Variants in HSH2D observed in about 807,000 individuals in gnomAD.
HSH2D encodes the protein hematopoietic SH2 domain containing.
HSH2D carries 16 observed loss-of-function variants against 21.5 expected under a neutral mutation model. The observed-to-expected ratio is 0.74, with a 90% confidence interval of 0.50 to 1.13. HSH2D has a LOEUF of 1.13. Ranked by LOEUF, HSH2D falls within the 50% of genes most tolerant of loss-of-function variation. HSH2D has a pLI of 0.00. For synonymous variants in HSH2D, 172 were observed against 184.7 expected (o/e 0.93, Z 0.56); for missense variants, 418 against 441.4 (o/e 0.95, Z 0.47).
chr19:16,135,802 T>G (rs2090959819), intron 1 of HSH2D, among the ~76,000 whole-genome samples: 1 of 152,188 alleles, frequency 6.6e-6, no homozygotes, highest in Admixed American at 6.5e-5. Flanking sequence ...AGTTACCTGT[T>G]TTCATTGCCA....
intron 1 of HSH2D, among the ~76,000 whole-genome samples, chr19:16,136,222 G>A (rs2090963121): frequency 6.6e-6 from 1 of 152,186 alleles, no homozygotes; most frequent in Non-Finnish European, 1.5e-5. Flanking sequence ...ACGGATGCCT[G>A]ATAAATGGCC....
intron 1 of HSH2D, among the ~76,000 whole-genome samples, chr19:16,145,755 G>T (rs1223218242): frequency 6.6e-6 from 1 of 152,054 alleles, no homozygotes. Context: ...ATGGGTGGAG[G>T]GAGTGAGCTC....
chr19:16,152,417 C>CA (rs377547783), intron 2 of HSH2D, 135 bp from the exon 3 acceptor site: 29,751 of 361,480 alleles, frequency 0.082, 1 homozygote, highest in East Asian at 0.11. Context: ...GACTCTGTCT[C>CA]AAAAAAAAAA....
At chr19:16,138,163 C>T (rs12462702) in intron 1 of HSH2D, among the ~76,000 whole-genome samples, 20,895 of 152,126 alleles carry the variant, frequency 0.14, 1,766 homozygotes, top group East Asian at 0.3. Flanking sequence ...CCACCGTGTC[C>T]AGCCAGTTCT....
Position 16,153,345 on chromosome 19 carries a change from A to G in HSH2D, c.381+137A>G. ...TCCTTGGCCCCTCCGGCCCCACCCC[A>G]GTAGTCCCTCTGCCCCCCACAGCGG... On this transcript the variant is annotated intron_variant, in intron 4 of 5. Coordinates refer to ENST00000613986, the MANE Select transcript of HSH2D (RefSeq NM_001382417.1). 3.6e-6 allele frequency: 3 copies of G among 829,604 alleles called. No individual in the cohort carries two copies. The East Asian group carries it at 8.5e-5, about 23-fold the overall frequency. 51.4% of individuals were successfully genotyped at this position (829,604 alleles called of 1,614,324 possible). A position where few individuals can be genotyped will look rare whatever the true frequency, so the allele number is the denominator to read the frequency against.
In HSH2D at chr19:16,157,868, C is replaced by A; in HGVS notation, c.*74C>A. On this transcript the variant is annotated 3_prime_UTR_variant, in exon 6 of 6. Transcript: ENST00000613986. This position sits in a 1 kb window ranked among gnomAD's most constrained non-coding sequence, Gnocchi z 4.4. Reference sequence around the variant, plus strand: ...CTCCTGAATGCCTTAACATTTCTTCCATGGCCCCACACCATGGCATCCGGG... The same window carrying A: ...CTCCTGAATGCCTTAACATTTCTTCAATGGCCCCACACCATGGCATCCGGG... The A allele has an allele frequency of 9.1e-7, 1 of 1,093,842 alleles. No individual in the cohort carries two copies. Among genetic ancestry groups the A allele is most frequent in the Non-Finnish European group, 1.3e-6 (1 of 780,560 alleles). The allele number at this position is 1,093,842 out of a possible 1,614,324, so 67.8% of individuals were successfully genotyped here.
rs1461495914 is a variant in HSH2D, at chr19:16,157,236, CCAAT to C, written c.505_508del (p.Ser169ArgfsTer9). 6.4e-7 allele frequency: 1 copy of C among 1,563,176 alleles called. No homozygotes were observed. The highest frequency in any genetic ancestry group is 8.6e-7 in the Non-Finnish European group (1 of 1,157,766). On this transcript the variant is annotated frameshift_variant, in exon 6 of 6. Coordinates refer to ENST00000613986, the MANE Select transcript of HSH2D (RefSeq NM_001382417.1). LOFTEE classifies it low-confidence loss of function (END_TRUNC). The surrounding 1 kb of genome is among the most constrained non-coding windows in gnomAD (Gnocchi z 4.4). ...CCTCCCCAAAGCCAGTCCTGTGTCA[CCAAT>C]CAAAGGAAAGGAAGCCGTCAGCAGA...
At chr19:16,154,207 C>T (rs2258476) in intron 4 of HSH2D, among the ~76,000 whole-genome samples, 192 bp from the exon 5 acceptor site, 130,375 of 151,790 alleles carry the variant, frequency 0.86, 56,161 homozygotes, top group East Asian at 0.96. Flanking sequence ...CTTTAGAAGG[C>T]TCAGTGGGTG....
At chr19:16,138,680 T>A (rs1442918642) in intron 1 of HSH2D, among the ~76,000 whole-genome samples, 3 of 150,398 alleles carry the variant, frequency 2.0e-5, no homozygotes, top group Non-Finnish European at 4.5e-5. Flanking sequence ...CTGGTCTCGA[T>A]CCCTTGACTT....
chr19:16,154,471 C>T lies in HSH2D; in HGVS notation c.454C>T (p.Pro152Ser). The part of the protein sequence containing the change: ...SNAVAEEAAC[P>S]VSAPEEASPK... ...CGCAGTGGCCGAGGAAGCTGCCTGC[C>T]CGGTGTCTGCCCCTGAGGAGGTATG... Residue 152 changes from proline to serine, a missense_variant, in exon 5 of 6, where the codon CCG becomes TCG. Pro to Ser is a moderately conservative substitution (Grantham distance 74). Transcript: ENST00000613986. 6.4e-7 allele frequency: 1 copy of T among 1,552,050 alleles called. No homozygotes were observed. Among genetic ancestry groups the T allele is most frequent in the Non-Finnish European group, 8.7e-7 (1 of 1,147,198 alleles).
chr19:16,152,231 C>T (rs1456646533), intron 2 of HSH2D, among the ~76,000 whole-genome samples: 1 of 151,394 alleles, frequency 6.6e-6, no homozygotes, highest in African/African-American at 2.4e-5. Context: ...TCCTGGCTAA[C>T]ACAGTGAAAC....
rs1419300660 is a variant in HSH2D, at chr19:16,157,132, C to G, written c.475-78C>G. On this transcript the variant is annotated intron_variant, in intron 5 of 5. Transcript: ENST00000613986. This position sits in a 1 kb window ranked among gnomAD's most constrained non-coding sequence, Gnocchi z 4.4. ...TCAGCCACAGGGTGTCTGGGTGGAA[C>G]CCAGGCTCCAATTTCTGGGACAGAC... 5 of 1,251,198 alleles carry G rather than the reference C, an allele frequency of 4.0e-6. No individual in the cohort carries two copies. Among genetic ancestry groups the G allele is most frequent in the Non-Finnish European group, 5.5e-6 (5 of 910,574 alleles). The allele number at this position is 1,251,198 out of a possible 1,614,324, so 77.5% of individuals were successfully genotyped here. A position where few individuals can be genotyped will look rare whatever the true frequency, so the allele number is the denominator to read the frequency against.
upstream of HSH2D, among the ~76,000 whole-genome samples, chr19:16,138,904 G>C (rs536474969): frequency 3.8e-4 from 57 of 151,776 alleles, no homozygotes; most frequent in Middle Eastern, 6.9e-3. Context: ...TGTGACCCAG[G>C]CTGGAGTGCA....
At chr19:16,156,240 C>T (rs1256428886) in intron 5 of HSH2D, among the ~76,000 whole-genome samples, 1 of 151,930 alleles carries the variant, frequency 6.6e-6, no homozygotes, top group Non-Finnish European at 1.5e-5. Flanking sequence ...TAGTCAGCTA[C>T]TCTGGGGGCT....
At chr19:16,150,367 T>C (rs796392820) in intron 2 of HSH2D, among the ~76,000 whole-genome samples, 4 of 152,188 alleles carry the variant, frequency 2.6e-5, no homozygotes, top group African/African-American at 9.6e-5. Context: ...TGGTGAAACC[T>C]TGTGTCTACT....
chr19:16,137,428 G>C (rs957484619), intron 1 of HSH2D, among the ~76,000 whole-genome samples: 3 of 152,056 alleles, frequency 2.0e-5, no homozygotes, highest in African/African-American at 4.8e-5. Flanking sequence ...AGGAGTTCGA[G>C]ACCAGCCTGG....
chr19:16,143,993 CA>C (rs2091029145), intron 1 of HSH2D, among the ~76,000 whole-genome samples: 1 of 151,934 alleles, frequency 6.6e-6, no homozygotes, highest in Non-Finnish European at 1.5e-5. Context: ...ACAGCATGAG[CA>C]AAGGTATGGA....
At chr19:16,140,968 T>C (rs558283467), upstream of HSH2D, among the ~76,000 whole-genome samples, 31 of 152,086 alleles carry the variant, frequency 2.0e-4, 1 homozygote, top group Admixed American at 2.0e-3. Flanking sequence ...CCATGAGGTC[T>C]GAGGCCCAAG....
chr19:16,155,214 G>A (rs376432653), intron 5 of HSH2D, among the ~76,000 whole-genome samples: 3 of 152,140 alleles, frequency 2.0e-5, no homozygotes, highest in East Asian at 3.8e-4. Flanking sequence ...AGCAGGGGAA[G>A]TTATGACAGT....
Sources: gnomAD v4.1 joint callset for allele counts (sites outside exome capture counted in the v4.1 genomes callset) on GRCh38, gnomAD v4.1.1 for gene constraint, Gnocchi (gnomAD v3.1) non-coding constraint, MANE v1.5 for transcripts, NCBI Gene and HGNC (gene_info 2026-07-23, HGNC 2026-07-21) for gene names.